RTL4: variants seen among roughly 807,000 people sequenced by gnomAD.
RTL4 encodes the protein retrotransposon Gag-like protein 4.
RTL4 carries 4 observed loss-of-function variants against 5.3 expected under a neutral mutation model. The ratio of observed to expected loss-of-function variants is 0.75; its 90% CI spans 0.37 to 1.72. RTL4 has a LOEUF of 1.72. Among genes scored for constraint, RTL4 ranks in the 40% most tolerant of loss-of-function variants. The probability of loss-of-function intolerance (pLI) is 0.04; values close to 1 mark genes in which losing one functional copy is unlikely to be tolerated. For missense variants in RTL4, 260 were observed against 227.1 expected (o/e 1.14, Z -0.93); for synonymous variants, 98 against 87.3 (o/e 1.12, Z -0.68).
the RTL4 span, among the ~76,000 whole-genome samples, chrX:112,205,732 A>G: frequency 4.5e-5 from 5 of 111,833 alleles, no homozygotes; most frequent in African/African-American, 1.6e-4. Flanking sequence ...TGAGTGCCCA[A>G]TGGTAATTAT....
the RTL4 span, among the ~76,000 whole-genome samples, chrX:112,350,999 C>T: frequency 0.098 from 10,850 of 111,018 alleles, 537 homozygotes; most frequent in Non-Finnish European, 0.14. Context: ...CTCCTGTGGG[C>T]ATTTAGTGCT....
the RTL4 span, among the ~76,000 whole-genome samples, chrX:112,416,146 G>A: frequency 7.2e-5 from 8 of 110,974 alleles, no homozygotes; most frequent in African/African-American, 2.0e-4. Flanking sequence ...CTGTGTCTTC[G>A]TGTAACTGCC....
At chrX:112,296,245 TTC>T in the RTL4 span, among the ~76,000 whole-genome samples, 1 of 111,726 alleles carries the variant, frequency 9.0e-6, no homozygotes, top group African/African-American at 3.3e-5. Flanking sequence ...AACCCTGTTA[TTC>T]TCTGAGTTGC....
At chrX:112,431,276 A>C in the RTL4 span, among the ~76,000 whole-genome samples, 3 of 111,529 alleles carry the variant, frequency 2.7e-5, no homozygotes, top group Non-Finnish European at 5.7e-5. Flanking sequence ...GTTTTTGTTA[A>C]AGGCAGGCAT....
At chrX:112,121,627 T>C in the RTL4 span, among the ~76,000 whole-genome samples, 3 of 111,489 alleles carry the variant, frequency 2.7e-5, no homozygotes, top group Admixed American at 9.6e-5. Flanking sequence ...AGAAGTACAA[T>C]ATATGTTAGA....
chrX:112,352,689 A>T, the RTL4 span, among the ~76,000 whole-genome samples: 2 of 96,419 alleles, frequency 2.1e-5, no homozygotes, highest in African/African-American at 9.3e-5. Context: ...TTCAAGATGG[A>T]TTAAAGACTT....
chrX:112,109,947 G>A, the RTL4 span, among the ~76,000 whole-genome samples: 69 of 111,708 alleles, frequency 6.2e-4, no homozygotes, highest in Admixed American at 1.4e-3. Flanking sequence ...AGTTCATTTC[G>A]GGTTTCATTT....
chrX:112,350,903 T>C, the RTL4 span, among the ~76,000 whole-genome samples: 1 of 111,583 alleles, frequency 9.0e-6, no homozygotes, highest in East Asian at 2.8e-4. Flanking sequence ...TCTTGCCTTC[T>C]GCTAGCTTTT....
the RTL4 span, among the ~76,000 whole-genome samples, chrX:112,332,682 G>C: frequency 1.2e-5 from 1 of 86,683 alleles, no homozygotes; most frequent in South Asian, 9.1e-4. Context: ...GGCCTGTTGT[G>C]GGGTGGGGGG....
the RTL4 span, among the ~76,000 whole-genome samples, chrX:112,177,597 G>A: frequency 5.5e-5 from 6 of 108,959 alleles, no homozygotes; most frequent in African/African-American, 1.7e-4. Flanking sequence ...CTTGTTGGAC[G>A]GGTAGTTTGC....
the RTL4 span, among the ~76,000 whole-genome samples, chrX:112,284,166 T>C: frequency 9.2e-6 from 1 of 108,192 alleles, no homozygotes; most frequent in African/African-American, 3.3e-5. Flanking sequence ...TATATATACA[T>C]ATATATGTAT....
chrX:112,367,247 C>T, the RTL4 span, among the ~76,000 whole-genome samples: 1 of 111,541 alleles, frequency 9.0e-6, no homozygotes, highest in African/African-American at 3.3e-5. Flanking sequence ...TTCCCCACTC[C>T]TATTGCTAGG....
chrX:112,443,520 C>A, the RTL4 span, among the ~76,000 whole-genome samples: 15 of 111,958 alleles, frequency 1.3e-4, no homozygotes, highest in African/African-American at 4.9e-4. Context: ...AAGCTGTTCT[C>A]CACAGTGGTT....
At chrX:112,257,153 T>C in the RTL4 span, among the ~76,000 whole-genome samples, 4 of 112,126 alleles carry the variant, frequency 3.6e-5, no homozygotes, top group Non-Finnish European at 7.5e-5. Flanking sequence ...AAGAAATTAC[T>C]TTTTATTCTG....
the RTL4 span, among the ~76,000 whole-genome samples, chrX:112,152,195 T>A: frequency 1.8e-5 from 2 of 111,706 alleles, no homozygotes; most frequent in Admixed American, 9.5e-5. Flanking sequence ...AGTACTACGA[T>A]CTTCAGGGCT....
the RTL4 span, among the ~76,000 whole-genome samples, chrX:112,252,311 T>C: frequency 3.6e-5 from 4 of 112,310 alleles, no homozygotes; most frequent in African/African-American, 1.3e-4. Flanking sequence ...TAACAAGTAC[T>C]GCTGTAATAA....
chrX:112,451,393 G>A (rs1265742651), upstream of RTL4, among the ~76,000 whole-genome samples: 1 of 110,824 alleles, frequency 9.0e-6, no homozygotes, highest in Non-Finnish European at 1.9e-5. Context: ...TAGCTACCAG[G>A]GAGGCTGGGG....
At chrX:112,182,582 C>T in the RTL4 span, among the ~76,000 whole-genome samples, 1 of 111,295 alleles carries the variant, frequency 9.0e-6, no homozygotes, top group Non-Finnish European at 1.9e-5. Flanking sequence ...TGAAGATCAA[C>T]TTAATTAAAT....
At chrX:112,455,006 A>C (rs149912910) in exon 1 of RTL4, 2 of 1,209,857 alleles carry the variant, frequency 1.7e-6, no homozygotes, top group African/African-American at 3.5e-5. Flanking sequence ...CCTGCAAATG[A>C]TGCCCAGATC....
Sources: allele counts gnomAD v4.1 joint callset (sites outside exome capture counted in the v4.1 genomes callset), GRCh38; gene constraint gnomAD v4.1.1; transcripts MANE v1.5; gene names NCBI Gene and HGNC (gene_info 2026-07-23, HGNC 2026-07-21).